The following MMRN1 variants were observed in gnomAD, a reference collection of about 807,000 sequenced individuals.
MMRN1 encodes multimerin-1.
A neutral mutation model predicts 100.7 loss-of-function variants in MMRN1; 94 were observed. The observed-to-expected ratio is 0.93, with a 90% CI of 0.79 to 1.11. The LOEUF (loss-of-function observed/expected upper bound fraction) is 1.11. MMRN1 is among the 50% of genes least tolerant of loss of function. The pLI is 0.00. For synonymous variants in MMRN1, 575 were observed against 505.0 expected, an observed-to-expected ratio of 1.14 and a Z score of -1.86; for missense variants, 1,606 against 1,439.1, an observed-to-expected ratio of 1.12 and a Z score of -1.88.
At chr4:89,903,426 G>T (rs576432880) in intron 1 of MMRN1, among the ~76,000 whole-genome samples, 2 of 151,094 alleles carry the variant, frequency 1.3e-5, no homozygotes, top group East Asian at 3.9e-4. Flanking sequence ...TTCTGTATTG[G>T]CTTTATGGAA....
intron 6 of MMRN1, among the ~76,000 whole-genome samples, chr4:89,947,849 A>ATTTTG (rs1192782361): frequency 6.6e-6 from 1 of 151,844 alleles, no homozygotes; most frequent in East Asian, 1.9e-4. Flanking sequence ...ACAAAAGTTG[A>ATTTTG]TTTTGTTTTG....
At chr4:89,898,528 A>C (rs1279990613) in intron 1 of MMRN1, among the ~76,000 whole-genome samples, 1 of 151,720 alleles carries the variant, frequency 6.6e-6, no homozygotes. Flanking sequence ...TTCACAGGCT[A>C]TTGGTTGCCT....
chr4:89,880,602 G>C (rs563542861), intron 1 of MMRN1, among the ~76,000 whole-genome samples: 1 of 152,292 alleles, frequency 6.6e-6, no homozygotes, highest in East Asian at 1.9e-4. Flanking sequence ...TTCAAGGATA[G>C]ATGAGTCCAG....
intron 4 of MMRN1, 30 bp downstream of exon 4, chr4:89,923,302 A>G: frequency 6.4e-7 from 1 of 1,572,404 alleles, no homozygotes; most frequent in Non-Finnish European, 8.7e-7. Context: ...ATCATCTCTG[A>G]CCCAATTATT....
chr4:89,916,611 G>A (rs1229542686), intron 3 of MMRN1, among the ~76,000 whole-genome samples: 1 of 151,418 alleles, frequency 6.6e-6, no homozygotes, highest in Non-Finnish European at 1.5e-5. Context: ...AAATTTTAGT[G>A]TGCAGGAAAA....
chr4:89,912,005 T>C lies in MMRN1; in HGVS notation c.805T>C (p.Trp269Arg). The change falls in exon 3 of 8, where the codon TGG becomes CGG. Residue 269 changes from tryptophan to arginine, a missense_variant. Physicochemically the swap from Trp to Arg is moderately radical, Grantham distance 101. Transcript: ENST00000264790. The part of the protein sequence containing the change: ...MQHKIVTSLD[W>R]RCCPGYSGPK... ...ACATAAAATTGTCACCTCATTGGAT[T>C]GGAGGTGCTGTCCTGGATACAGTGG... 6.2e-7 allele frequency: 1 copy of C among 1,604,074 alleles called. No individual in the cohort carries two copies. Among genetic ancestry groups the C allele is most frequent in the Non-Finnish European group, 8.5e-7 (1 of 1,174,152 alleles).
At chr4:89,948,132 G>A (rs1214905216) in intron 6 of MMRN1, among the ~76,000 whole-genome samples, 1 of 152,144 alleles carries the variant, frequency 6.6e-6, no homozygotes, top group Non-Finnish European at 1.5e-5. Context: ...GATTACAGGC[G>A]TGAGCCACCG....
intron 2 of MMRN1, 120 bp from the exon 3 acceptor site, chr4:89,911,824 T>C (rs756301373): frequency 1.5e-4 from 97 of 640,278 alleles, no homozygotes; most frequent in Non-Finnish European, 2.3e-4. Flanking sequence ...TAACAGCCGA[T>C]ACTAAATAAA....
At chr4:89,921,980 G>A (rs533290750) in intron 3 of MMRN1, among the ~76,000 whole-genome samples, 1 of 152,210 alleles carries the variant, frequency 6.6e-6, no homozygotes, top group African/African-American at 2.4e-5. Flanking sequence ...CAAAACACTT[G>A]TTTCCTCATG....
chr4:89,910,522 T>G (rs956222987), intron 2 of MMRN1, among the ~76,000 whole-genome samples: 1 of 151,432 alleles, frequency 6.6e-6, no homozygotes, highest in Non-Finnish European at 1.5e-5. Flanking sequence ...CACTTTTTCT[T>G]TTATTATGTC....
chr4:89,883,634 T>C (rs1370792181), intron 1 of MMRN1, among the ~76,000 whole-genome samples: 1 of 152,148 alleles, frequency 6.6e-6, no homozygotes, highest in African/African-American at 2.4e-5. Flanking sequence ...ATTTTATATT[T>C]TGAATGGAGT....
chr4:89,931,940 C>A (rs1198805592), intron 5 of MMRN1, among the ~76,000 whole-genome samples: 1 of 152,168 alleles, frequency 6.6e-6, no homozygotes, highest in African/African-American at 2.4e-5. Flanking sequence ...ACCAATCATG[C>A]CTTCCCAACA....
At chr4:89,946,627 C>T (rs1160276223) in intron 6 of MMRN1, among the ~76,000 whole-genome samples, 1 of 151,976 alleles carries the variant, frequency 6.6e-6, no homozygotes, top group Non-Finnish European at 1.5e-5. Flanking sequence ...CCCCTCTTCT[C>T]ATGAAGTTCA....
At chr4:89,901,332 T>C (rs189453900) in intron 1 of MMRN1, among the ~76,000 whole-genome samples, 16 of 150,090 alleles carry the variant, frequency 1.1e-4, no homozygotes, top group Admixed American at 8.6e-4. Flanking sequence ...AAAAGAGGGA[T>C]TTTTTTTCTG....
rs1391889817 is a variant in MMRN1, at chr4:89,953,111, G to T, written c.3380G>T (p.Gly1127Val). The T allele has an allele frequency of 6.2e-7, 1 of 1,613,806 alleles. No individual in the cohort carries two copies. Among genetic ancestry groups the T allele is most frequent in the Admixed American group, 1.7e-5 (1 of 59,956 alleles). ...ILFNNLDVNY[G>V]ASYTPRTGKF... ...TTTAATAACTTGGATGTCAATTATG[G>T]AGCTTCATATACCCCAAGAACTGGA... Residue 1127 changes from glycine to valine, a missense_variant, in exon 8 of 8, where the codon GGA (glycine) becomes GTA (valine). Physicochemically the swap from Gly to Val is moderately radical, Grantham distance 109 (BLOSUM62 -3). Coordinates refer to ENST00000264790, the MANE Select transcript of MMRN1 (RefSeq NM_007351.3).
intron 6 of MMRN1, 116 bp downstream of exon 6, chr4:89,936,914 A>T (rs1445152335): frequency 1.1e-6 from 1 of 899,840 alleles, no homozygotes; most frequent in East Asian, 2.7e-5. Flanking sequence ...GAACTTGGAT[A>T]GATAGTCAAG....
rs988046286 is a variant in MMRN1, at chr4:89,909,375, C to A, written c.723C>A (p.Thr241=). The A allele has an allele frequency of 1.9e-6, 3 of 1,609,436 alleles. No homozygotes were observed. Among genetic ancestry groups the A allele is most frequent in the African/African-American group, 2.7e-5 (2 of 74,476 alleles). Reference sequence around the variant, plus strand: ...GTGGGAAAGGACCTTGTGGCTGGACCGGTGGATCCTGTCCTCAGAGGTATG... The same window carrying A: ...GTGGGAAAGGACCTTGTGGCTGGACAGGTGGATCCTGTCCTCAGAGGTATG... ...VPGGKGPCGW[T]GGSCPQRSQK... The change falls in exon 2 of 8, where the codon ACC becomes ACA. Residue 241 remains threonine, a synonymous_variant. Coordinates refer to ENST00000264790, the MANE Select transcript of MMRN1 (RefSeq NM_007351.3).
intron 3 of MMRN1, among the ~76,000 whole-genome samples, chr4:89,913,164 A>G (rs1721808632): frequency 1.3e-5 from 2 of 151,288 alleles, no homozygotes; most frequent in African/African-American, 4.8e-5. Context: ...ATATATACTC[A>G]CAATGGTAAA....
chr4:89,922,257 C>A (rs1429708385), intron 3 of MMRN1, among the ~76,000 whole-genome samples: 2 of 151,790 alleles, frequency 1.3e-5, no homozygotes, highest in African/African-American at 4.8e-5. Context: ...GGCACCTGAG[C>A]CACCACATCT....
Sources: allele counts gnomAD v4.1 joint callset (sites outside exome capture counted in the v4.1 genomes callset), GRCh38; gene constraint gnomAD v4.1.1; transcripts MANE v1.5; gene names NCBI Gene and HGNC (gene_info 2026-07-23, HGNC 2026-07-21).